The following FOXP1 variants were observed in gnomAD, a reference collection of about 807,000 sequenced individuals.
FOXP1 encodes the protein forkhead box P1, also known as forkhead box protein P1.
Under a neutral mutation model 98.2 loss-of-function variants are expected in FOXP1, and 15 were observed. The observed-to-expected ratio is 0.15, with a 90% CI of 0.10 to 0.24. The LOEUF (loss-of-function observed/expected upper bound fraction) is 0.24, where lower values mean the gene tolerates loss of function less well. Ranked by LOEUF, FOXP1 falls within the 10% of genes least tolerant of loss-of-function variation. FOXP1 has a pLI of 1.00. For missense variants in FOXP1, 633 were observed against 848.5 expected, an observed-to-expected ratio of 0.75 and a Z score of 3.15; for synonymous variants, 371 against 314.5, an observed-to-expected ratio of 1.18 and a Z score of -1.90.
chr3:71,268,915 C>A (rs2070029070), intron 5 of FOXP1, among the ~76,000 whole-genome samples: 1 of 152,102 alleles, frequency 6.6e-6, no homozygotes, highest in South Asian at 2.1e-4. Context: ...TCCCTATCAC[C>A]AGCCTGTATC....
At chr3:71,415,722 TA>T (rs936688051) in intron 3 of FOXP1, among the ~76,000 whole-genome samples, 3 of 151,858 alleles carry the variant, frequency 2.0e-5, no homozygotes, top group Admixed American at 2.0e-4. Context: ...TTTTTTCTAT[TA>T]AGGGCTTTAG....
At chr3:71,091,134 T>TGTGTGTG (rs1262995094) in intron 7 of FOXP1, among the ~76,000 whole-genome samples, 3 of 150,202 alleles carry the variant, frequency 2.0e-5, no homozygotes, top group East Asian at 2.0e-4. Flanking sequence ...TGTGTGTGTA[T>TGTGTGTG]TCTTAAATTA....
chr3:71,221,416 T>C (rs554344139), intron 5 of FOXP1, among the ~76,000 whole-genome samples: 1 of 152,014 alleles, frequency 6.6e-6, no homozygotes, highest in Admixed American at 6.5e-5. Context: ...TGGCTAATGG[T>C]TTCAAGTGGC....
At chr3:71,050,078 G>C (rs962299151) in intron 9 of FOXP1, among the ~76,000 whole-genome samples, 4 of 152,150 alleles carry the variant, frequency 2.6e-5, no homozygotes, top group African/African-American at 9.7e-5. Context: ...ACAATGTCTT[G>C]CTTTCTCCTT....
At chr3:71,519,220 T>C (rs2042800077) in intron 2 of FOXP1, among the ~76,000 whole-genome samples, 1 of 152,216 alleles carries the variant, frequency 6.6e-6, no homozygotes. Flanking sequence ...CACTCCAGCC[T>C]GGGTGGTAGA....
intron 4 of FOXP1, among the ~76,000 whole-genome samples, chr3:71,330,076 C>T (rs2076203974): frequency 6.6e-6 from 1 of 152,128 alleles, no homozygotes; most frequent in East Asian, 1.9e-4. Context: ...AAAGAAAAAA[C>T]ATGAACTTAT....
intron 6 of FOXP1, among the ~76,000 whole-genome samples, chr3:71,181,734 T>G (rs1456809238): frequency 1.3e-5 from 2 of 151,802 alleles, no homozygotes; most frequent in African/African-American, 4.8e-5. Flanking sequence ...TGGTGGAAAT[T>G]TAAAGAAAAC....
In FOXP1 at chr3:71,228,755, C is replaced by T. The variant is rs1221914083; in HGVS notation, c.-11-30363G>A. ...ACACTGAAACATTCCTCATTCTCAACACCCGAGATTTATGTAGCCAATTAG... is the reference window on the plus strand; with the variant it reads ...ACACTGAAACATTCCTCATTCTCAATACCCGAGATTTATGTAGCCAATTAG... On this transcript the variant is annotated intron_variant, in intron 5 of 20. Transcript: ENST00000649528. Among the ~76,000 whole-genome samples, 3 of 152,196 alleles carry T rather than the reference C, an allele frequency of 2.0e-5. 1 individual carries two copies. Among genetic ancestry groups the T allele is most frequent in the Non-Finnish European group, 4.4e-5 (3 of 68,034 alleles).
At chr3:71,481,754 T>A (rs2090293503) in intron 3 of FOXP1, among the ~76,000 whole-genome samples, 1 of 152,146 alleles carries the variant, frequency 6.6e-6, no homozygotes, top group Non-Finnish European at 1.5e-5. Flanking sequence ...ATTCTTACCT[T>A]TCTTGAGAAA....
At chr3:71,568,602 C>A (rs117151372) in intron 2 of FOXP1, among the ~76,000 whole-genome samples, 1 of 152,220 alleles carries the variant, frequency 6.6e-6, no homozygotes, top group African/African-American at 2.4e-5. Flanking sequence ...AATGGGCCAG[C>A]AGATTATACA....
intron 2 of FOXP1, among the ~76,000 whole-genome samples, chr3:71,505,132 G>A (rs2041708704): frequency 2.0e-5 from 3 of 152,206 alleles, no homozygotes; most frequent in Admixed American, 6.5e-5. Flanking sequence ...AACAGGAAAA[G>A]TAGGAACGTT....
At chr3:71,098,504 T>C (rs2056676079) in intron 7 of FOXP1, among the ~76,000 whole-genome samples, 1 of 152,226 alleles carries the variant, frequency 6.6e-6, no homozygotes, top group South Asian at 2.1e-4. Flanking sequence ...CACAGGATTT[T>C]TTTTAATGCT....
At chr3:71,538,415 A>C (rs1432207453) in intron 2 of FOXP1, among the ~76,000 whole-genome samples, 3 of 152,234 alleles carry the variant, frequency 2.0e-5, no homozygotes, top group Non-Finnish European at 4.4e-5. Flanking sequence ...ATGGAATTGA[A>C]TATGCGGTCC....
intron 4 of FOXP1, among the ~76,000 whole-genome samples, chr3:71,321,602 T>A (rs2075394783): frequency 6.6e-6 from 1 of 152,018 alleles, no homozygotes; most frequent in Non-Finnish European, 1.5e-5. Flanking sequence ...CAGGCATAAT[T>A]CAATCTTATT....
chr3:71,037,577 C>T (rs2047762165), intron 11 of FOXP1, among the ~76,000 whole-genome samples: 1 of 152,188 alleles, frequency 6.6e-6, no homozygotes. Flanking sequence ...TGCTGCTCCC[C>T]CTTAGCTGCG....
intron 10 of FOXP1, among the ~76,000 whole-genome samples, chr3:71,045,042 C>T (rs1338251213): frequency 6.6e-6 from 1 of 152,144 alleles, no homozygotes; most frequent in African/African-American, 2.4e-5. Context: ...CAAAACCAAC[C>T]TCCTGATTCA....
chr3:71,422,989 A>T (rs1464751922), intron 3 of FOXP1, among the ~76,000 whole-genome samples: 1 of 152,294 alleles, frequency 6.6e-6, no homozygotes, highest in Non-Finnish European at 1.5e-5. Context: ...AGAAAACTAA[A>T]ACTCATTCAG....
At chr3:71,503,689 G>A (rs558141179) in intron 2 of FOXP1, among the ~76,000 whole-genome samples, 6 of 151,238 alleles carry the variant, frequency 4.0e-5, no homozygotes, top group Admixed American at 2.6e-4. Flanking sequence ...TTATTATTTC[G>A]TCAGGTATGG....
chr3:71,581,369 G>C, intron 2 of FOXP1, 180 bp downstream of exon 2: 1 of 985,434 alleles, frequency 1.0e-6, no homozygotes, highest in Non-Finnish European at 1.2e-6. Flanking sequence ...AGGGTGGAGG[G>C]GAGGAAGTCC....
Sources: allele counts gnomAD v4.1 joint callset (sites outside exome capture counted in the v4.1 genomes callset), GRCh38; gene constraint gnomAD v4.1.1; transcripts MANE v1.5; gene names NCBI Gene and HGNC (gene_info 2026-07-23, HGNC 2026-07-21).